The following CARMIL1 variants were observed in gnomAD, a reference collection of about 807,000 sequenced individuals.
CARMIL1 encodes capping protein regulator and myosin 1 linker 1, also known as F-actin-uncapping protein LRRC16A.
In CARMIL1, 90 loss-of-function variants were observed where a neutral mutation model predicts 177.1. That is an observed-to-expected ratio of 0.51 (90% CI 0.43 to 0.61). The LOEUF is 0.61. CARMIL1 is among the 20% of genes least tolerant of loss of function. The pLI is 0.00. For synonymous variants in CARMIL1, 577 were observed against 606.2 expected, an observed-to-expected ratio of 0.95 and a Z score of 0.71; for missense variants, 1,380 against 1,667.0, an observed-to-expected ratio of 0.83 and a Z score of 3.00.
chr6:25,600,819 G>A, intron 33 of CARMIL1, 73 bp downstream of exon 33: 3 of 1,296,598 alleles, frequency 2.3e-6, no homozygotes, highest in South Asian at 3.4e-5. Flanking sequence ...CATGGTGCAT[G>A]TGATATTTTT....
intron 3 of CARMIL1, among the ~76,000 whole-genome samples, chr6:25,422,621 A>G (rs1005426028): frequency 2.0e-5 from 3 of 152,210 alleles, no homozygotes; most frequent in African/African-American, 7.2e-5. Flanking sequence ...GGACTAAACT[A>G]TACGTTAAAA....
At chr6:25,471,859 A>G (rs1449333770) in intron 10 of CARMIL1, among the ~76,000 whole-genome samples, 1 of 152,170 alleles carries the variant, frequency 6.6e-6, no homozygotes, top group Non-Finnish European at 1.5e-5. Context: ...TTAAGAGCAT[A>G]AGAGTTAGAA....
At chr6:25,325,472 A>G (rs1328183647) in intron 2 of CARMIL1, among the ~76,000 whole-genome samples, 1 of 152,238 alleles carries the variant, frequency 6.6e-6, no homozygotes, top group African/African-American at 2.4e-5. Context: ...TGTGTTCAGT[A>G]GCATTTTTTC....
intron 2 of CARMIL1, among the ~76,000 whole-genome samples, chr6:25,349,379 C>T (rs530374582): frequency 6.6e-6 from 1 of 152,192 alleles, no homozygotes; most frequent in South Asian, 2.1e-4. Flanking sequence ...TTCTTCTCAT[C>T]AGTGTTATTA....
At chr6:25,523,098 C>T (rs1049450557) in intron 23 of CARMIL1, among the ~76,000 whole-genome samples, 12 of 152,082 alleles carry the variant, frequency 7.9e-5, no homozygotes, top group Non-Finnish European at 1.5e-4. Context: ...CATGCCTGGT[C>T]GCTTGAATGC....
At chr6:25,297,328 C>T (rs562328177) in intron 2 of CARMIL1, among the ~76,000 whole-genome samples, 57 of 152,340 alleles carry the variant, frequency 3.7e-4, no homozygotes, top group Middle Eastern at 3.4e-3. Flanking sequence ...TGCTCCTTAT[C>T]AGAATTTTAT....
chr6:25,341,408 A>T lies in CARMIL1; in HGVS notation c.138+56499A>T, dbSNP rs533509222. ...CATAGCCTTTTAACTCCTGTTGTCT[A>T]TCTATCTTTTATATATAGAAAACTC... On this transcript the variant is annotated intron_variant, in intron 2 of 36. Coordinates refer to ENST00000329474, the MANE Select transcript of CARMIL1 (RefSeq NM_017640.6). Among the ~76,000 whole-genome samples the T allele has an allele frequency of 8.5e-5, 13 of 152,338 alleles. No individual in the cohort carries two copies. The East Asian group carries it at 1.2e-3, about 14-fold the overall frequency.
In CARMIL1 at chr6:25,495,231, A is replaced by G. The variant is rs1310206597; in HGVS notation, c.1325+16A>G. On this transcript the variant is annotated intron_variant, in intron 16 of 36. Coordinates refer to ENST00000329474, the MANE Select transcript of CARMIL1 (RefSeq NM_017640.6). ...AGCCCTTAAAGTGAGTGGTTAATTCACTTTCTCCAGAGCTTTTAAAGTTCA... is the reference window on the plus strand; with the variant it reads ...AGCCCTTAAAGTGAGTGGTTAATTCGCTTTCTCCAGAGCTTTTAAAGTTCA... The G allele has an allele frequency of 6.5e-7, 1 of 1,527,114 alleles. No individual in the cohort carries two copies. Among genetic ancestry groups the G allele is most frequent in the Non-Finnish European group, 9.0e-7 (1 of 1,114,214 alleles). The allele number at this position is 1,527,114 out of a possible 1,614,324, so 94.6% of individuals were successfully genotyped here.
At position 25,297,942 on chromosome 6, in the gene CARMIL1, G is replaced by A. The variant is rs1023001471; in HGVS notation, c.138+13033G>A. Among the ~76,000 whole-genome samples the A allele has an allele frequency of 2.6e-5, 4 of 152,124 alleles. No individual in the cohort carries two copies. The East Asian group carries it at 5.8e-4, about 22-fold the overall frequency. On this transcript the variant is annotated intron_variant, in intron 2 of 36. Coordinates refer to ENST00000329474, the MANE Select transcript of CARMIL1 (RefSeq NM_017640.6). ...TTTTTTCAATGTCTTTACATTTTAC[G>A]CCTCCCATTTTCTGTGTTAATAGGT...
chr6:25,439,820 G>A (rs1797570336), intron 5 of CARMIL1, among the ~76,000 whole-genome samples: 1 of 152,154 alleles, frequency 6.6e-6, no homozygotes, highest in Admixed American at 6.5e-5. Context: ...GGGATTACGG[G>A]GGATTTCTGT....
At chr6:25,396,684 A>T (rs1307069083) in intron 2 of CARMIL1, among the ~76,000 whole-genome samples, 4 of 152,076 alleles carry the variant, frequency 2.6e-5, no homozygotes, top group African/African-American at 4.8e-5. Context: ...AGGTAGTTTC[A>T]CTAACTCATG....
rs773733735 is a variant in CARMIL1 at position 25,556,863 on chromosome 6, C to T, written c.2742+13C>T. The T allele has an allele frequency of 1.2e-6, 2 of 1,611,840 alleles. No individual in the cohort carries two copies. The highest frequency in any genetic ancestry group is 1.7e-6 in the Non-Finnish European group (2 of 1,178,772). ...GGATACCTGTATGGTAAGACACATC[C>T]TCTGGTGGTACCGTTACCCTTTTCA... On this transcript the variant is annotated intron_variant, in intron 29 of 36. Coordinates refer to ENST00000329474, the MANE Select transcript of CARMIL1 (RefSeq NM_017640.6).
In CARMIL1 at chr6:25,465,939, TC is replaced by T; in HGVS notation, c.682del (p.Leu228Ter). The T allele has an allele frequency of 6.2e-7, 1 of 1,606,914 alleles. No individual in the cohort carries two copies. The highest frequency in any genetic ancestry group is 1.1e-5 in the South Asian group (1 of 90,928). Reference protein sequence around the residue: ...QWFTKLSSKDLKLSTDVCEQI... With the variant: ...QWFTKLSSKDXKLSTDVCEQI... ...GGTTCACAAAACTGTCCTCTAAGGA[TC>T]TAAAACTGGTAAGTAATCAAACATG... is the stretch of plus-strand genomic sequence containing the variant. On this transcript the variant is annotated frameshift_variant, in exon 9 of 37. Transcript: ENST00000329474. LOFTEE classifies it high-confidence loss of function.
At chr6:25,533,253 AG>A (rs1184661579) in intron 24 of CARMIL1, among the ~76,000 whole-genome samples, 1 of 152,156 alleles carries the variant, frequency 6.6e-6, no homozygotes, top group East Asian at 1.9e-4. Context: ...CACAATGTGC[AG>A]GGGCCTTTTC....
intron 2 of CARMIL1, among the ~76,000 whole-genome samples, chr6:25,333,051 C>T (rs1356718303): frequency 6.6e-6 from 1 of 152,138 alleles, no homozygotes; most frequent in Non-Finnish European, 1.5e-5. Context: ...GTGATTCCTG[C>T]TACGTGGAGG....
At chr6:25,450,457 A>G (rs769603881) in intron 7 of CARMIL1, 48 bp downstream of exon 7, 1 of 1,461,866 alleles carries the variant, frequency 6.8e-7, no homozygotes, top group Non-Finnish European at 9.5e-7. Flanking sequence ...CTCCTGGAGA[A>G]TATTCTAATG....
chr6:25,503,729 G>A (rs774954360), intron 17 of CARMIL1, among the ~76,000 whole-genome samples: 93 of 152,178 alleles, frequency 6.1e-4, no homozygotes, highest in Non-Finnish European at 6.9e-4. Context: ...CCGATGATCA[G>A]ATAAATCTAG....
At chr6:25,475,602 T>C (rs1801495492) in intron 11 of CARMIL1, among the ~76,000 whole-genome samples, 1 of 152,200 alleles carries the variant, frequency 6.6e-6, no homozygotes, top group South Asian at 2.1e-4. Flanking sequence ...AAATGCGGTA[T>C]ATATAATATG....
chr6:25,392,053 CAT>C (rs1792879924), intron 2 of CARMIL1, among the ~76,000 whole-genome samples: 3 of 107,578 alleles, frequency 2.8e-5, no homozygotes, highest in South Asian at 2.9e-4. Context: ...TGTGTATATG[CAT>C]GTGTGTGTGT....
Sources: allele counts gnomAD v4.1 joint callset (sites outside exome capture counted in the v4.1 genomes callset), GRCh38; gene constraint gnomAD v4.1.1; transcripts MANE v1.5; gene names NCBI Gene and HGNC (gene_info 2026-07-23, HGNC 2026-07-21).